Variants in SENP7 observed in about 807,000 individuals in gnomAD.
SENP7 encodes the protein sentrin-specific protease 7.
Under a neutral mutation model 141.2 loss-of-function variants are expected in SENP7, and 64 were observed. That is an observed-to-expected ratio of 0.45 (90% CI 0.37 to 0.56). The LOEUF (loss-of-function observed/expected upper bound fraction) is 0.56, where lower values mean the gene tolerates loss of function less well. Among genes scored for constraint, SENP7 ranks in the 20% least tolerant of loss-of-function variants. The pLI is 0.00. For missense variants in SENP7, 1,025 were observed against 1,212.2 expected (o/e 0.85, Z 2.29); for synonymous variants, 382 against 426.4 (o/e 0.90, Z 1.28).
At chr3:101,377,099 TTAATAA>T (rs1361938744) in intron 6 of SENP7, among the ~76,000 whole-genome samples, 1 of 152,070 alleles carries the variant, frequency 6.6e-6, no homozygotes, top group African/African-American at 2.4e-5. Flanking sequence ...TGGTAAACTT[TTAATAA>T]ATGATAAACT....
chr3:101,445,950 A>G (rs1559838674), intron 4 of SENP7, among the ~76,000 whole-genome samples: 1 of 152,232 alleles, frequency 6.6e-6, no homozygotes, highest in African/African-American at 2.4e-5. Flanking sequence ...TGGAACTTCA[A>G]CATCCTCTTA....
chr3:101,482,205 C>T (rs536601725), intron 3 of SENP7, among the ~76,000 whole-genome samples: 8 of 151,306 alleles, frequency 5.3e-5, no homozygotes, highest in South Asian at 4.2e-4. Context: ...CCCAACTACT[C>T]GGGAGGCTGA....
chr3:101,357,615 G>A (rs892791833), intron 11 of SENP7: 2 of 931,194 alleles, frequency 2.1e-6, no homozygotes, highest in Non-Finnish European at 1.7e-6. Context: ...GTGGATGAGT[G>A]TAAGGTGCAC....
Position 101,513,195 on chromosome 3 carries a change from G to C in SENP7, c.-65C>G. On this transcript the variant is annotated 5_prime_UTR_variant, in exon 1 of 24. Coordinates refer to ENST00000394095, the MANE Select transcript of SENP7 (RefSeq NM_020654.5). Reference sequence around the variant, plus strand: ...CCTCAGGACCCCTCCGGCTTGGAGAGGGAGGGGGAGGGGAAAGGAAAAAAA... The same window carrying C: ...CCTCAGGACCCCTCCGGCTTGGAGACGGAGGGGGAGGGGAAAGGAAAAAAA... 1.5e-6 allele frequency: 1 copy of C among 669,352 alleles called. No homozygotes were observed. Among genetic ancestry groups the C allele is most frequent in the African/African-American group, 2.0e-5 (1 of 49,382 alleles). The allele number at this position is 669,352 out of a possible 1,614,324, so 41.5% of individuals were successfully genotyped here.
At chr3:101,339,534 A>G (rs1432743967) in intron 16 of SENP7, among the ~76,000 whole-genome samples, 1 of 152,150 alleles carries the variant, frequency 6.6e-6, no homozygotes, top group Admixed American at 6.6e-5. Flanking sequence ...CAGCCTGGCC[A>G]ACATGAAACC....
At chr3:101,400,499 T>C (rs1431335617) in intron 5 of SENP7, among the ~76,000 whole-genome samples, 1 of 150,820 alleles carries the variant, frequency 6.6e-6, no homozygotes, top group Non-Finnish European at 1.5e-5. Flanking sequence ...AATATTTCAA[T>C]CTTTTCATTA....
chr3:101,330,548 T>A (rs2059022440), intron 19 of SENP7, among the ~76,000 whole-genome samples, 162 bp from the exon 20 acceptor site: 1 of 152,146 alleles, frequency 6.6e-6, no homozygotes, highest in African/African-American at 2.4e-5. Context: ...TAAAATTCAA[T>A]CAACAGATAA....
At position 101,463,369 on chromosome 3, in the gene SENP7, ATATATATAT is replaced by A. The variant is rs1559864775; in HGVS notation, c.187-4326_187-4318del. On this transcript the variant is annotated intron_variant, in intron 3 of 23. Coordinates refer to ENST00000394095, the MANE Select transcript of SENP7 (RefSeq NM_020654.5). ...GTATCATAAATAAATAAATAAATAT[ATATATATAT>A]ATATATATATATATATATACATATA... 7.8e-3 allele frequency among the ~76,000 whole-genome samples: 625 copies of A among 80,562 alleles called. 16 individuals are homozygous for A. Among genetic ancestry groups the A allele is most frequent in the African/African-American group, 0.028 (546 of 19,432 alleles). The allele number at this position is 80,562 out of a possible 152,430, so 52.9% of individuals were successfully genotyped here.
intron 3 of SENP7, among the ~76,000 whole-genome samples, chr3:101,484,719 G>A (rs918688177): frequency 5.3e-5 from 8 of 152,172 alleles, no homozygotes; most frequent in Non-Finnish European, 1.0e-4. Flanking sequence ...GCAGCAAAAA[G>A]GCCCTGGGAG....
chr3:101,370,817 A>G (rs541919432), intron 7 of SENP7, among the ~76,000 whole-genome samples: 3 of 152,336 alleles, frequency 2.0e-5, no homozygotes, highest in Middle Eastern at 3.4e-3. Flanking sequence ...TAAGAGTTTC[A>G]GCTGGTTTCT....
At chr3:101,368,408 G>C (rs2060093642) in intron 7 of SENP7, among the ~76,000 whole-genome samples, 1 of 151,742 alleles carries the variant, frequency 6.6e-6, no homozygotes, top group Non-Finnish European at 1.5e-5. Flanking sequence ...AAAAAAGGAT[G>C]AGTTCATGTC....
intron 4 of SENP7, among the ~76,000 whole-genome samples, chr3:101,433,927 C>A (rs1378087484): frequency 6.6e-6 from 1 of 152,008 alleles, no homozygotes; most frequent in African/African-American, 2.4e-5. Flanking sequence ...ACACTATAGA[C>A]CAAATGGATC....
chr3:101,390,337 T>G (rs2060783518), intron 6 of SENP7, among the ~76,000 whole-genome samples: 1 of 126,024 alleles, frequency 7.9e-6, no homozygotes, highest in African/African-American at 2.9e-5. Flanking sequence ...AGACATACAT[T>G]GACCGAAAAA....
intron 5 of SENP7, among the ~76,000 whole-genome samples, chr3:101,409,935 C>A (rs551777573): frequency 1.3e-5 from 2 of 152,082 alleles, no homozygotes; most frequent in East Asian, 1.9e-4. Context: ...TTAAATTGCT[C>A]GGAGTTAACT....
intron 12 of SENP7, among the ~76,000 whole-genome samples, chr3:101,348,960 A>G (rs2059543342): frequency 6.6e-6 from 1 of 152,164 alleles, no homozygotes; most frequent in Non-Finnish European, 1.5e-5. Flanking sequence ...ATTATTTCCT[A>G]GAACTTTGTT....
chr3:101,508,047 C>CAAAAAAA (rs61638290), intron 1 of SENP7, among the ~76,000 whole-genome samples: 3 of 90,122 alleles, frequency 3.3e-5, no homozygotes, highest in Non-Finnish European at 6.1e-5. Flanking sequence ...GACTCCATCT[C>CAAAAAAA]AAAAAAAAAA....
chr3:101,447,936 C>G (rs1270706844), intron 4 of SENP7, among the ~76,000 whole-genome samples: 1 of 152,202 alleles, frequency 6.6e-6, no homozygotes, highest in African/African-American at 2.4e-5. Flanking sequence ...CTAACATTTA[C>G]TATCAATTGA....
At position 101,331,975 on chromosome 3, in the gene SENP7, T is replaced by C. The variant is rs1205433750; in HGVS notation, c.2698+10A>G. On this transcript the variant is annotated intron_variant, in intron 19 of 23. Transcript: ENST00000394095. ...ATTATTAAAAACACCATCTACGTTA[T>C]GGATGTCACCTATTGTTTTGTTGTC... 1 of 1,612,340 alleles carries C rather than the reference T, an allele frequency of 6.2e-7. No individual in the cohort carries two copies. The highest frequency in any genetic ancestry group is 8.5e-7 in the Non-Finnish European group (1 of 1,178,924).
At chr3:101,352,283 A>G (rs764929563) in intron 11 of SENP7, among the ~76,000 whole-genome samples, 25 of 152,174 alleles carry the variant, frequency 1.6e-4, no homozygotes, top group Non-Finnish European at 2.9e-4. Context: ...AATGGCTACA[A>G]AAGTCATAGA....
Sources: gnomAD v4.1 joint callset for allele counts (sites outside exome capture counted in the v4.1 genomes callset) on GRCh38, gnomAD v4.1.1 for gene constraint, MANE v1.5 for transcripts, NCBI Gene and HGNC (gene_info 2026-07-23, HGNC 2026-07-21) for gene names.